Variants in LRRC8C observed in about 807,000 individuals in gnomAD.
LRRC8C encodes leucine rich repeat containing 8 VRAC subunit C.
LRRC8C carries 20 observed loss-of-function variants against 55.3 expected under a neutral mutation model. The observed-to-expected ratio is 0.36, with a 90% CI of 0.25 to 0.53. The LOEUF (loss-of-function observed/expected upper bound fraction) is 0.53. LRRC8C is among the 20% of genes least tolerant of loss of function. The probability of loss-of-function intolerance (pLI) is 0.92; values close to 1 mark genes in which losing one functional copy is unlikely to be tolerated. For missense variants in LRRC8C, 659 were observed against 951.4 expected (o/e 0.69, Z 4.04); for synonymous variants, 376 against 360.7 (o/e 1.04, Z -0.48).
intron 1 of LRRC8C, among the ~76,000 whole-genome samples, chr1:89,662,365 C>T (rs1657144208): frequency 6.6e-6 from 1 of 151,940 alleles, no homozygotes; most frequent in South Asian, 2.1e-4. Context: ...TTGCAGAGGG[C>T]CTTTTAGGAC....
chr1:89,718,965 C>T lies in LRRC8C; in HGVS notation c.*3983C>T, dbSNP rs1570751421. 2.0e-5 allele frequency: 3 copies of T among 152,156 alleles called. No homozygotes were observed. The highest frequency in any genetic ancestry group is 1.9e-4 in the East Asian group (1 of 5,180). The allele number at this position is 152,156 out of a possible 1,614,324, so 9.4% of individuals were successfully genotyped here. ...CTTGGACAGTCTTCACCAGACCTGC[C>T]ATGATTTTATAAGATTTAGGCCTCA... On this transcript the variant is annotated 3_prime_UTR_variant, in exon 3 of 3. Transcript: ENST00000370454.
chr1:89,703,318 A>G (rs1471590296), intron 2 of LRRC8C, among the ~76,000 whole-genome samples: 2 of 152,236 alleles, frequency 1.3e-5, no homozygotes, highest in African/African-American at 4.8e-5. Context: ...TTACTATCAA[A>G]ACAGAATTGT....
chr1:89,676,068 G>A (rs1557657504), intron 1 of LRRC8C, among the ~76,000 whole-genome samples: 1 of 152,114 alleles, frequency 6.6e-6, no homozygotes. Flanking sequence ...ATAATTATTA[G>A]TATCATATAC....
intron 2 of LRRC8C, among the ~76,000 whole-genome samples, chr1:89,688,989 G>A (rs1657954716): frequency 6.6e-6 from 1 of 151,940 alleles, no homozygotes; most frequent in Non-Finnish European, 1.5e-5. Context: ...ACCTAAAGTA[G>A]ATCACTTTCC....
rs143261640 is a variant in LRRC8C, at chr1:89,714,106, G to T, written c.1536G>T (p.Gly512=). The change falls in exon 3 of 3, where the codon GGG becomes GGT. Residue 512 remains glycine (G), a synonymous_variant. Coordinates refer to ENST00000370454, the MANE Select transcript of LRRC8C (RefSeq NM_032270.5). This position sits in a 1 kb window ranked among gnomAD's most constrained non-coding sequence, Gnocchi z 4.6. ...DMRELPPWMY[G]LRNLEELYLV... ...GGGAACTCCCCCCCTGGATGTATGG[G>T]CTCCGAAATCTGGAAGAGCTGTACC... 1,333 of 1,614,008 alleles carry T rather than the reference G, an allele frequency of 8.3e-4. 4 individuals are homozygous for T. The highest frequency in any genetic ancestry group is 7.2e-4 in the Non-Finnish European group (846 of 1,180,000).
At chr1:89,709,897 G>A (rs1049360150) in intron 2 of LRRC8C, among the ~76,000 whole-genome samples, 4 of 151,930 alleles carry the variant, frequency 2.6e-5, no homozygotes, top group South Asian at 2.1e-4. Flanking sequence ...GACTACAGGC[G>A]CCCGCCACCG....
the LRRC8C span, among the ~76,000 whole-genome samples, chr1:89,620,937 G>A: frequency 1.3e-5 from 2 of 152,212 alleles, no homozygotes; most frequent in African/African-American, 4.8e-5. Flanking sequence ...GGTTGCATGG[G>A]ATGCTAGAAG....
At chr1:89,702,829 G>A (rs180766270) in intron 2 of LRRC8C, among the ~76,000 whole-genome samples, 110 of 152,226 alleles carry the variant, frequency 7.2e-4, no homozygotes, top group Admixed American at 1.4e-3. Context: ...AGAAATCTTG[G>A]AAATAAAGTC....
At chr1:89,645,797 TAAATA>T (rs1656594616) in intron 1 of LRRC8C, among the ~76,000 whole-genome samples, 1 of 151,942 alleles carries the variant, frequency 6.6e-6, no homozygotes, top group African/African-American at 2.4e-5. Context: ...CAAATATTTG[TAAATA>T]AAATAAGAAA....
intron 1 of LRRC8C, among the ~76,000 whole-genome samples, chr1:89,684,588 T>C (rs990446119): frequency 3.9e-5 from 6 of 152,222 alleles, no homozygotes; most frequent in African/African-American, 1.4e-4. Flanking sequence ...TTATTGCCAC[T>C]GAGACAACTG....
intron 2 of LRRC8C, 89 bp downstream of exon 2, chr1:89,686,700 AC>A: frequency 1.4e-6 from 2 of 1,438,416 alleles, no homozygotes; most frequent in African/African-American, 1.4e-5. Flanking sequence ...GTGATTTTTA[AC>A]CATGTAAGTA....
intron 1 of LRRC8C, among the ~76,000 whole-genome samples, chr1:89,685,308 C>T (rs577342189): frequency 0.048 from 183 of 3,776 alleles, 3 homozygotes; most frequent in East Asian, 0.42. Context: ...TTAGTAGAGA[C>T]GGGGTTTCAC....
intron 2 of LRRC8C, among the ~76,000 whole-genome samples, chr1:89,701,392 C>T (rs890774213): frequency 2.0e-5 from 3 of 151,268 alleles, no homozygotes; most frequent in African/African-American, 7.3e-5. Flanking sequence ...AGGAGAATGG[C>T]GTGAACCTGG....
chr1:89,697,821 G>A (rs1658217365), intron 2 of LRRC8C, among the ~76,000 whole-genome samples: 2 of 151,870 alleles, frequency 1.3e-5, no homozygotes, highest in Non-Finnish European at 2.9e-5. Flanking sequence ...GCCTAGAGAA[G>A]CTTTCTTCAA....
intron 1 of LRRC8C, among the ~76,000 whole-genome samples, chr1:89,680,736 T>C (rs1269065927): frequency 6.6e-6 from 1 of 151,922 alleles, no homozygotes; most frequent in Middle Eastern, 3.2e-3. Flanking sequence ...AAGTTTTGTA[T>C]TTTTAGTAGA....
intron 2 of LRRC8C, among the ~76,000 whole-genome samples, chr1:89,695,740 G>T (rs889183356): frequency 6.6e-6 from 1 of 152,076 alleles, no homozygotes; most frequent in Non-Finnish European, 1.5e-5. Context: ...ATTTCAGCTA[G>T]ATCAAGTTAA....
At chr1:89,665,508 G>A (rs910516118) in intron 1 of LRRC8C, among the ~76,000 whole-genome samples, 1 of 152,004 alleles carries the variant, frequency 6.6e-6, no homozygotes, top group African/African-American at 2.4e-5. Flanking sequence ...AATTTAAAAA[G>A]CAAAATATAA....
intron 1 of LRRC8C, among the ~76,000 whole-genome samples, chr1:89,660,096 G>A (rs2101212115): frequency 6.6e-6 from 1 of 152,334 alleles, no homozygotes; most frequent in East Asian, 1.9e-4. Context: ...AGGGTGGGCT[G>A]TGTGGGGAAG....
chr1:89,643,153 A>G (rs1656515518), intron 1 of LRRC8C, among the ~76,000 whole-genome samples: 1 of 152,192 alleles, frequency 6.6e-6, no homozygotes, highest in South Asian at 2.1e-4. Flanking sequence ...GTGCAATGGC[A>G]CAATCTTGGC....
Sources: allele counts gnomAD v4.1 joint callset (sites outside exome capture counted in the v4.1 genomes callset), GRCh38; gene constraint gnomAD v4.1.1; non-coding constraint Gnocchi (gnomAD v3.1); transcripts MANE v1.5; gene names NCBI Gene and HGNC (gene_info 2026-07-23, HGNC 2026-07-21).